The following MYO3B variants were observed in gnomAD, a reference collection of about 807,000 sequenced individuals.
MYO3B encodes the protein myosin-IIIb.
A neutral mutation model predicts 174.6 loss-of-function variants in MYO3B; 156 were observed. That is an observed-to-expected ratio of 0.89 (90% confidence interval 0.78 to 1.02). MYO3B has a LOEUF of 1.02. MYO3B is among the 50% of genes least tolerant of loss of function. The pLI is 0.00. For missense variants in MYO3B, 1,632 were observed against 1,639.4 expected (o/e 1.00, Z 0.08); for synonymous variants, 563 against 569.1 (o/e 0.99, Z 0.15).
At chr2:170,597,652 A>G (rs1694240040) in intron 32 of MYO3B, among the ~76,000 whole-genome samples, 1 of 152,150 alleles carries the variant, frequency 6.6e-6, no homozygotes, top group African/African-American at 2.4e-5. Context: ...GGGAAAAAAA[A>G]GAAAAGATGG....
intron 22 of MYO3B, among the ~76,000 whole-genome samples, chr2:170,428,294 A>G (rs368064614): frequency 6.6e-6 from 1 of 152,238 alleles, no homozygotes; most frequent in Non-Finnish European, 1.5e-5. Flanking sequence ...CGAGGCTATC[A>G]TCACCACCCA....
At chr2:170,203,485 CA>C (rs2092683546) in intron 3 of MYO3B, among the ~76,000 whole-genome samples, 1 of 94,012 alleles carries the variant, frequency 1.1e-5, no homozygotes, top group Admixed American at 1.8e-4. Context: ...AGAGCCAAAG[CA>C]AAAGGGGGCG....
At chr2:170,413,785 A>G (rs2094560751) in intron 22 of MYO3B, among the ~76,000 whole-genome samples, 1 of 152,104 alleles carries the variant, frequency 6.6e-6, no homozygotes, top group Admixed American at 6.6e-5. Context: ...CATGCCTGTA[A>G]TCCCAGCACT....
At position 170,284,436 on chromosome 2, in the gene MYO3B, G is replaced by A. The variant is rs534554028; in HGVS notation, c.749+48300G>A. Among the ~76,000 whole-genome samples the A allele has an allele frequency of 9.9e-5, 15 of 152,274 alleles. No homozygotes were observed. The South Asian group carries it at 1.9e-3, about 19-fold the overall frequency. On this transcript the variant is annotated intron_variant, in intron 7 of 34. Coordinates refer to ENST00000408978, the MANE Select transcript of MYO3B (RefSeq NM_138995.5). ...GTATGACAGCTAAGATAATAGAGGT[G>A]TGTGTACATCCAGCAGGGGTGCAGA...
At chr2:170,633,423 C>T (rs1184263292) in intron 32 of MYO3B, among the ~76,000 whole-genome samples, 4 of 152,136 alleles carry the variant, frequency 2.6e-5, no homozygotes, top group Non-Finnish European at 5.9e-5. Flanking sequence ...TTCAACAGCG[C>T]TTCATGCTAA....
intron 8 of MYO3B, among the ~76,000 whole-genome samples, chr2:170,337,004 G>A (rs1320087055): frequency 2.6e-5 from 4 of 151,470 alleles, no homozygotes; most frequent in South Asian, 2.1e-4. Flanking sequence ...AGGGTATCTC[G>A]TTGCCCCTTT....
chr2:170,200,125 G>T (rs920065015), intron 2 of MYO3B, 25 bp from the exon 3 acceptor site: 11 of 1,604,714 alleles, frequency 6.9e-6, no homozygotes, highest in Non-Finnish European at 9.4e-6. Flanking sequence ...ATTTAATCCA[G>T]CTTGCATTTT....
chr2:170,290,969 G>A (rs1296116811), intron 7 of MYO3B, among the ~76,000 whole-genome samples: 1 of 152,090 alleles, frequency 6.6e-6, no homozygotes, highest in African/African-American at 2.4e-5. Context: ...AACAAAGGTG[G>A]CCAGGTATAG....
intron 32 of MYO3B, among the ~76,000 whole-genome samples, chr2:170,544,380 T>A (rs1169121987): frequency 6.6e-6 from 1 of 152,240 alleles, no homozygotes; most frequent in Non-Finnish European, 1.5e-5. Context: ...AACATGGCCA[T>A]TCTTTGAGCA....
chr2:170,568,798 G>T (rs1334022488), intron 32 of MYO3B, among the ~76,000 whole-genome samples: 2 of 152,208 alleles, frequency 1.3e-5, no homozygotes, highest in African/African-American at 4.8e-5. Flanking sequence ...AGATTCCAGA[G>T]TGCAGTGACT....
intron 8 of MYO3B, among the ~76,000 whole-genome samples, chr2:170,367,683 CT>C (rs1466169700): frequency 6.6e-6 from 1 of 152,124 alleles, no homozygotes; most frequent in East Asian, 1.9e-4. Context: ...AGCATATTAA[CT>C]TTGATAGTTA....
chr2:170,504,109 T>C (rs7562747), intron 28 of MYO3B, among the ~76,000 whole-genome samples: 1 of 152,208 alleles, frequency 6.6e-6, no homozygotes, highest in East Asian at 1.9e-4. Context: ...GGACATTTCC[T>C]AGTAGAACCA....
intron 32 of MYO3B, among the ~76,000 whole-genome samples, chr2:170,562,712 A>T (rs766587172): frequency 2.6e-5 from 4 of 152,176 alleles, no homozygotes; most frequent in Non-Finnish European, 5.9e-5. Context: ...CTGTAAAATG[A>T]TTGCAGTTTG....
chr2:170,199,339 CT>C lies in MYO3B; in HGVS notation c.135del (p.Asn46ThrfsTer10). The C allele has an allele frequency of 1.2e-6, 2 of 1,613,208 alleles. No individual in the cohort carries two copies. The highest frequency in any genetic ancestry group is 1.7e-6 in the Non-Finnish European group (2 of 1,179,576). ...ACCTATGGCAAAGTCTACAAGGTAA[CT>C]AACAAGAGAGATGGGAGCCTGGCTG... ...KGTYGKVYKVTNKRDGSLAAV... is the reference protein window; with the variant it reads ...KGTYGKVYKVXNKRDGSLAAV... On this transcript the variant is annotated frameshift_variant, in exon 2 of 35. Coordinates refer to ENST00000408978, the MANE Select transcript of MYO3B (RefSeq NM_138995.5). LOFTEE classifies it high-confidence loss of function.
At position 170,214,430 on chromosome 2, in the gene MYO3B, G is replaced by A; in HGVS notation, c.373G>A (p.Gly125Ser). 6.2e-7 allele frequency: 1 copy of A among 1,614,178 alleles called. No homozygotes were observed. Among genetic ancestry groups the A allele is most frequent in the Non-Finnish European group, 8.5e-7 (1 of 1,180,024 alleles). The change falls in exon 4 of 35, where the codon GGC (glycine) becomes AGC (serine). Residue 125 changes from glycine to serine, a missense_variant. Gly to Ser is a moderately conservative substitution (Grantham distance 56). Coordinates refer to ENST00000408978, the MANE Select transcript of MYO3B (RefSeq NM_138995.5). ...GCTTGTCAAAGGTCTACTCAGATGT[G>A]GCCAGCGGTTGGATGAAGCAATGAT... is the stretch of plus-strand genomic sequence containing the variant. The part of the protein sequence containing the change: ...TELVKGLLRC[G>S]QRLDEAMISY...
intron 23 of MYO3B, among the ~76,000 whole-genome samples, chr2:170,451,550 G>C (rs929256961): frequency 1.2e-4 from 18 of 152,202 alleles, no homozygotes; most frequent in Admixed American, 9.8e-4. Flanking sequence ...CTTTAAAATT[G>C]TCTTTATTTC....
intron 16 of MYO3B, among the ~76,000 whole-genome samples, chr2:170,397,285 T>G (rs1461692262): frequency 6.6e-6 from 1 of 152,164 alleles, no homozygotes; most frequent in East Asian, 1.9e-4. Context: ...TCTGTGTTCC[T>G]TTTTTTGGCT....
Position 170,653,337 on chromosome 2 carries a change from T to C in MYO3B, c.*216T>C. On this transcript the variant is annotated 3_prime_UTR_variant, in exon 35 of 35. Coordinates refer to ENST00000408978, the MANE Select transcript of MYO3B (RefSeq NM_138995.5). Reference sequence around the variant, plus strand: ...GTGCAGCCTGAGCTGGGCGCTGCCTTCCTTTCTCATCCCATGGGGCCCTGT... The same window carrying C: ...GTGCAGCCTGAGCTGGGCGCTGCCTCCCTTTCTCATCCCATGGGGCCCTGT... 1.8e-6 allele frequency: 1 copy of C among 567,612 alleles called. No homozygotes were observed. The highest frequency in any genetic ancestry group is 2.6e-5 in the South Asian group (1 of 38,986). 35.2% of individuals were successfully genotyped at this position (567,612 alleles called of 1,614,324 possible).
intron 19 of MYO3B, among the ~76,000 whole-genome samples, chr2:170,403,275 CT>C: frequency 1.5e-4 from 1 of 6,754 alleles, no homozygotes; most frequent in Non-Finnish European, 8.9e-4. Context: ...TGTATCTCTT[CT>C]ACTTTATTTA....
Sources: allele counts gnomAD v4.1 joint callset (sites outside exome capture counted in the v4.1 genomes callset), GRCh38; gene constraint gnomAD v4.1.1; transcripts MANE v1.5; gene names NCBI Gene and HGNC (gene_info 2026-07-23, HGNC 2026-07-21).